Variants in EXOC2 observed in about 807,000 individuals in gnomAD.
The protein encoded by EXOC2 is exocyst complex component 2, also known as SEC5-like 1.
EXOC2 carries 70 observed loss-of-function variants against 131.8 expected under a neutral mutation model. The observed-to-expected ratio is 0.53, with a 90% CI of 0.44 to 0.65. The LOEUF (loss-of-function observed/expected upper bound fraction) is 0.65. Ranked by LOEUF, EXOC2 falls within the 30% of genes least tolerant of loss-of-function variation. The pLI is 0.00. For missense variants in EXOC2, 923 were observed against 1,108.6 expected, an observed-to-expected ratio of 0.83 and a Z score of 2.38; for synonymous variants, 411 against 398.4, an observed-to-expected ratio of 1.03 and a Z score of -0.38.
chr6:535,300 G>A (rs1445770489), intron 22 of EXOC2, among the ~76,000 whole-genome samples: 2 of 152,108 alleles, frequency 1.3e-5, no homozygotes, highest in Non-Finnish European at 2.9e-5. Context: ...AGGAGATCGA[G>A]GCTGCAGCGT....
intron 26 of EXOC2, among the ~76,000 whole-genome samples, chr6:490,104 T>G (rs78592354): frequency 0.017 from 2,542 of 152,342 alleles, 78 homozygotes; most frequent in African/African-American, 0.056. Context: ...GTGATGTAAT[T>G]GTTTTGACAG....
chr6:532,575 T>A lies in EXOC2; in HGVS notation c.2274A>T (p.Arg758Ser). Residue 758 changes from arginine to serine, a missense_variant, in exon 23 of 28, where the codon AGA (arginine) becomes AGT (serine). By Grantham distance (110) the Arg-to-Ser change is moderately radical (BLOSUM62 -1). Transcript: ENST00000230449. ...SMASLKELDQ[R>S]LFENYIELKA... ...TCAACTCGATGTAATTTTCAAAGAG[T>A]CTTTGATCTAGTTCTTTCAATGAGG... The A allele has an allele frequency of 6.2e-7, 1 of 1,605,048 alleles. No homozygotes were observed. Among genetic ancestry groups the A allele is most frequent in the Non-Finnish European group, 8.5e-7 (1 of 1,176,934 alleles).
chr6:642,346 T>G (rs2127723744), intron 1 of EXOC2, among the ~76,000 whole-genome samples: 1 of 152,362 alleles, frequency 6.6e-6, no homozygotes, highest in Non-Finnish European at 1.5e-5. Flanking sequence ...CTGTGGGATC[T>G]GACATGCTCA....
chr6:656,660 C>G lies in EXOC2; in HGVS notation c.-43-18799G>C, dbSNP rs767205613. The stretch of plus-strand genomic sequence containing the variant: ...GCTGCAGCTTCAGGGAGGACGCGCC[C>G]GCTGCGCTTCTCGCCGCCCGGGACA... On this transcript the variant is annotated intron_variant, in intron 1 of 27. Transcript: ENST00000230449. The G allele has an allele frequency of 1.3e-5, 21 of 1,607,184 alleles. No individual in the cohort carries two copies. In the East Asian group the frequency reaches 4.7e-4, roughly 36 times the overall value.
intron 11 of EXOC2, among the ~76,000 whole-genome samples, chr6:578,312 C>T (rs1416972039): frequency 6.6e-6 from 1 of 152,160 alleles, no homozygotes; most frequent in Non-Finnish European, 1.5e-5. Context: ...ATTGAGCTCC[C>T]TCCCGCATGT....
At chr6:615,532 CAAT>C (rs1760950423) in intron 6 of EXOC2, among the ~76,000 whole-genome samples, 1 of 151,976 alleles carries the variant, frequency 6.6e-6, no homozygotes, top group Non-Finnish European at 1.5e-5. Flanking sequence ...TTCAACAAAT[CAAT>C]AGCATGAAAA....
intron 23 of EXOC2, among the ~76,000 whole-genome samples, chr6:505,319 G>A (rs1203575641): frequency 6.6e-6 from 1 of 152,150 alleles, no homozygotes; most frequent in Non-Finnish European, 1.5e-5. Context: ...GTCAAATGCC[G>A]GTGATGGCTG....
In EXOC2 at chr6:632,828, C is replaced by G. The variant is rs927303477; in HGVS notation, c.295+113G>C. ...CTGTCAAAATAAACATAAACTAAAT[C>G]TAAGTTGAGATATGCAAGTAGGTAG... On this transcript the variant is annotated intron_variant, in intron 3 of 27. Coordinates refer to ENST00000230449, the MANE Select transcript of EXOC2 (RefSeq NM_018303.6). 9.7e-6 allele frequency: 10 copies of G among 1,034,090 alleles called. No homozygotes were observed. In the African/African-American group the frequency reaches 1.3e-4, roughly 13 times the overall value. 64.1% of individuals were successfully genotyped at this position (1,034,090 alleles called of 1,614,324 possible).
chr6:516,763 G>C (rs80283389), intron 23 of EXOC2, among the ~76,000 whole-genome samples: 3,398 of 152,294 alleles, frequency 0.022, 54 homozygotes, highest in Middle Eastern at 0.071. Flanking sequence ...GTTTTGGAGA[G>C]AGTCCCTCCA....
rs1763409472 is a variant in EXOC2, at chr6:491,172, G to A, written c.2574C>T (p.Ile858=). Residue 858 remains isoleucine (I), a synonymous_variant, in exon 26 of 28, where the codon ATC becomes ATT. Transcript: ENST00000230449. Reference sequence around the variant, plus strand: ...CAGCCACAGTGTCCCTCAAAGCACAGATTTCAAGTCTCGCCTGAAAATGAG... The same window carrying A: ...CAGCCACAGTGTCCCTCAAAGCACAAATTTCAAGTCTCGCCTGAAAATGAG... ...KNGALQARLE[I]CALRDTVAVY... The A allele has an allele frequency of 2.5e-6, 4 of 1,614,172 alleles. No individual in the cohort carries two copies. The East Asian group carries it at 8.9e-5, about 36-fold the overall frequency.
rs376645663 is a variant in EXOC2 at position 549,240 on chromosome 6, T to C, written c.2173A>G (p.Thr725Ala). The C allele has an allele frequency of 4.0e-5, 65 of 1,614,216 alleles. No individual in the cohort carries two copies. In the African/African-American group the frequency reaches 4.7e-4, roughly 12 times the overall value. Residue 725 changes from threonine (T) to alanine (A), a missense_variant, in exon 22 of 28, where the codon ACC becomes GCC. Physicochemically the swap from Thr to Ala is moderately conservative, Grantham distance 58. Coordinates refer to ENST00000230449, the MANE Select transcript of EXOC2 (RefSeq NM_018303.6). ...LSNCCYLERH[T>A]FLNIAEHFEK... ...AAATGTTCTGCGATATTTAGGAAGG[T>C]GTGACGTTCTAGATAGCAGCAATTA...
At chr6:579,945 A>G (rs577237183) in intron 11 of EXOC2, among the ~76,000 whole-genome samples, 2 of 152,310 alleles carry the variant, frequency 1.3e-5, no homozygotes, top group East Asian at 1.9e-4. Flanking sequence ...AATATTTCAC[A>G]TATCAGTCTA....
At chr6:525,991 AGTTT>A (rs1212711259) in intron 23 of EXOC2, among the ~76,000 whole-genome samples, 1 of 152,244 alleles carries the variant, frequency 6.6e-6, no homozygotes, top group Non-Finnish European at 1.5e-5. Flanking sequence ...ATGGGCATTT[AGTTT>A]TTCAGATTCT....
intron 1 of EXOC2, among the ~76,000 whole-genome samples, chr6:639,041 C>T (rs927374852): frequency 1.3e-5 from 2 of 152,140 alleles, no homozygotes; most frequent in Non-Finnish European, 2.9e-5. Flanking sequence ...GTGAGACTTG[C>T]TGGTGACCTG....
intron 25 of EXOC2, among the ~76,000 whole-genome samples, chr6:493,381 T>C (rs915389785): frequency 1.3e-5 from 2 of 152,170 alleles, no homozygotes; most frequent in East Asian, 3.8e-4. Flanking sequence ...AAAACAGACC[T>C]ACCAGGAAAA....
intron 23 of EXOC2, among the ~76,000 whole-genome samples, chr6:525,856 AAT>A (rs1325414706): frequency 5.3e-5 from 8 of 152,202 alleles, no homozygotes; most frequent in African/African-American, 1.9e-4. Flanking sequence ...ATTTTCTACC[AAT>A]ATATGTACAG....
At position 530,470 on chromosome 6, in the gene EXOC2, C is replaced by T. The variant is rs377304219; in HGVS notation, c.2380+1999G>A. Among the ~76,000 whole-genome samples, 10 of 152,300 alleles carry T rather than the reference C, an allele frequency of 6.6e-5. No homozygotes were observed. The East Asian group carries it at 1.7e-3, about 26-fold the overall frequency. ...ATAACGACAAAACATTTCCCGCGGG[C>T]ACAGAGAGTGGCAAGAGCTGCTCTG... On this transcript the variant is annotated intron_variant, in intron 23 of 27. Transcript: ENST00000230449.
chr6:608,371 C>T (rs758517737), intron 7 of EXOC2, among the ~76,000 whole-genome samples: 13 of 152,280 alleles, frequency 8.5e-5, no homozygotes, highest in South Asian at 2.1e-4. Flanking sequence ...CAGCAATCAA[C>T]ATCATGTTGT....
At chr6:647,254 CCTT>C (rs1329434295) in intron 1 of EXOC2, among the ~76,000 whole-genome samples, 1 of 152,038 alleles carries the variant, frequency 6.6e-6, no homozygotes, top group Admixed American at 6.6e-5. Flanking sequence ...ATGCTGCTCT[CCTT>C]GTTTCCAGAA....
Sources: gnomAD v4.1 joint callset for allele counts (sites outside exome capture counted in the v4.1 genomes callset) on GRCh38, gnomAD v4.1.1 for gene constraint, MANE v1.5 for transcripts, NCBI Gene and HGNC (gene_info 2026-07-23, HGNC 2026-07-21) for gene names.